The following SH2D2A variants were observed in gnomAD, a reference collection of about 807,000 sequenced individuals.
The protein encoded by SH2D2A is SH2 domain-containing protein 2A.
In SH2D2A, 33 loss-of-function variants were observed where a neutral mutation model predicts 43.6. That is an observed-to-expected ratio of 0.76 (90% CI 0.57 to 1.01). The LOEUF (loss-of-function observed/expected upper bound fraction) is 1.01. Among genes scored for constraint, SH2D2A ranks in the 50% least tolerant of loss-of-function variants. SH2D2A has a pLI of 0.00. For missense variants in SH2D2A, 491 were observed against 503.1 expected, an observed-to-expected ratio of 0.98 and a Z score of 0.23; for synonymous variants, 212 against 206.1, an observed-to-expected ratio of 1.03 and a Z score of -0.25.
At chr1:156,811,349 G>C (rs142639794) in intron 5 of SH2D2A, among the ~76,000 whole-genome samples, 1 of 152,306 alleles carries the variant, frequency 6.6e-6, no homozygotes, top group Non-Finnish European at 1.5e-5. Context: ...TTCGAGCAGA[G>C]CAATCTTACA....
rs1653989229 is a variant in SH2D2A, at chr1:156,816,781, C to T, written c.-73G>A. On this transcript the variant is annotated 5_prime_UTR_variant, in exon 1 of 9. Coordinates refer to ENST00000368199, the MANE Select transcript of SH2D2A (RefSeq NM_003975.4). ...CCGGAAAGGTGTGCACACTCAGCAACTCATCATCTCTCCTCTCACCCTGGC... is the reference window on the plus strand; with the variant it reads ...CCGGAAAGGTGTGCACACTCAGCAATTCATCATCTCTCCTCTCACCCTGGC... 9 of 1,368,444 alleles carry T rather than the reference C, an allele frequency of 6.6e-6. No individual in the cohort carries two copies. In the South Asian group the frequency reaches 1.2e-4, roughly 19 times the overall value. The allele number at this position is 1,368,444 out of a possible 1,614,324, so 84.8% of individuals were successfully genotyped here.
intron 1 of SH2D2A, 28 bp downstream of exon 1, chr1:156,816,647 C>A: frequency 6.3e-7 from 1 of 1,596,566 alleles, no homozygotes; most frequent in Non-Finnish European, 8.5e-7. Flanking sequence ...TGCCCCCTCC[C>A]ACCCATATCC....
Position 156,814,018 on chromosome 1 carries a change from TG to T in SH2D2A, c.399-3del. 6.6e-7 allele frequency: 1 copy of T among 1,504,260 alleles called. No individual in the cohort carries two copies. The highest frequency in any genetic ancestry group is 8.9e-7 in the Non-Finnish European group (1 of 1,125,518). 93.2% of individuals were successfully genotyped at this position (1,504,260 alleles called of 1,614,324 possible). The stretch of plus-strand genomic sequence containing the variant: ...AAGTGGCGGCAGCAAGTCCGGCTCC[TG>T]GAGGGCGCCGTTAGGGATCAGACTA... On this transcript the variant is annotated splice_region_variant and splice_polypyrimidine_tract_variant and intron_variant, in intron 4 of 8. Transcript: ENST00000368199.
intron 5 of SH2D2A, among the ~76,000 whole-genome samples, chr1:156,811,042 T>C (rs1018159954): frequency 2.0e-5 from 3 of 152,170 alleles, no homozygotes; most frequent in African/African-American, 7.2e-5. Flanking sequence ...ACTGCAGATA[T>C]ACTGTGGAAA....
rs765013331 is a variant in SH2D2A at position 156,807,252 on chromosome 1, G to A, written c.1096C>T (p.Leu366Phe). The A allele has an allele frequency of 3.1e-6, 5 of 1,609,830 alleles. No individual in the cohort carries two copies. The South Asian group carries it at 5.5e-5, about 18-fold the overall frequency. The change falls in exon 8 of 9, where the codon CTC becomes TTC. Residue 366 changes from leucine to phenylalanine, a missense_variant. Physicochemically the swap from Leu to Phe is conservative, Grantham distance 22. Transcript: ENST00000368199. This position sits in a 1 kb window ranked among gnomAD's most constrained non-coding sequence, Gnocchi z 5.1. ...ACCTGTCTAGAAAGATTGTGGGGGA[G>A]GGTGTGTCTCCAGGCGGGTGGGGGC... is the stretch of plus-strand genomic sequence containing the variant. Reference protein sequence around the residue: ...HQPPPAWRHTLPHNLSRQVLQ... With the variant: ...HQPPPAWRHTFPHNLSRQVLQ...
At chr1:156,812,406 C>A (rs1378489304) in intron 5 of SH2D2A, among the ~76,000 whole-genome samples, 1 of 152,194 alleles carries the variant, frequency 6.6e-6, no homozygotes, top group Non-Finnish European at 1.5e-5. Context: ...ACCGGATCCA[C>A]CCATGCTAAC....
In SH2D2A at chr1:156,809,318, C is replaced by T. The variant is rs1429076768; in HGVS notation, c.887G>A (p.Ser296Asn). 3 of 1,614,184 alleles carry T rather than the reference C, an allele frequency of 1.9e-6. No homozygotes were observed. Among genetic ancestry groups the T allele is most frequent in the Middle Eastern group, 1.7e-4 (1 of 6,060 alleles). Reference sequence around the variant, plus strand: ...GATGTTGCTGGGGGCTTCCCCAGGGCTGCCCCGGCCCATGGCATAGAAAGC... The same window carrying T: ...GATGTTGCTGGGGGCTTCCCCAGGGTTGCCCCGGCCCATGGCATAGAAAGC... Reference protein sequence around the residue: ...PIAFYAMGRGSPGEAPSNIYV... With the variant: ...PIAFYAMGRGNPGEAPSNIYV... Residue 296 changes from serine (S) to asparagine (N), a missense_variant, in exon 7 of 9, where the codon AGC becomes AAC. By Grantham distance (46) the Ser-to-Asn change is conservative. Coordinates refer to ENST00000368199, the MANE Select transcript of SH2D2A (RefSeq NM_003975.4). The surrounding 1 kb of genome is among the most constrained non-coding windows in gnomAD (Gnocchi z 4.8).
In SH2D2A at chr1:156,809,238, G is replaced by A. The variant is rs758788694; in HGVS notation, c.967C>T (p.Arg323Trp). 34 of 1,613,476 alleles carry A rather than the reference G, an allele frequency of 2.1e-5. No homozygotes were observed. Among genetic ancestry groups the A allele is most frequent in the Middle Eastern group, 3.3e-4 (2 of 6,078 alleles). Residue 323 changes from arginine (R) to tryptophan (W), a missense_variant, in exon 7 of 9, where the codon CGG (arginine) becomes TGG (tryptophan). Arg to Trp is a moderately radical substitution (Grantham distance 101). Coordinates refer to ENST00000368199, the MANE Select transcript of SH2D2A (RefSeq NM_003975.4). The surrounding 1 kb of genome is among the most constrained non-coding windows in gnomAD (Gnocchi z 4.8). ...GGGACAGGCCTGGACCAGCTCTTCC[G>A]TAGGACAGGGTGCCCAAGGGTGGCG... ...LPATLGHPVLRKSWSRPVPGG... is the reference protein window; with the variant it reads ...LPATLGHPVLWKSWSRPVPGG...
At chr1:156,816,603 C>A in intron 1 of SH2D2A, 72 bp downstream of exon 1, 1 of 1,523,342 alleles carries the variant, frequency 6.6e-7, no homozygotes, top group Non-Finnish European at 9.0e-7. Context: ...GGAGCTCAAG[C>A]CCAGGAGGGA....
In SH2D2A at chr1:156,809,955, G is replaced by T; in HGVS notation, c.568-148C>A. On this transcript the variant is annotated intron_variant, in intron 5 of 8. Coordinates refer to ENST00000368199, the MANE Select transcript of SH2D2A (RefSeq NM_003975.4). This position sits in a 1 kb window ranked among gnomAD's most constrained non-coding sequence, Gnocchi z 4.8. ...GGCCTGGGCTGGGTTCCCTGGATGAGGAAGAGGGGGTGGTGACGGCAGGGA... is the reference window on the plus strand; with the variant it reads ...GGCCTGGGCTGGGTTCCCTGGATGATGAAGAGGGGGTGGTGACGGCAGGGA... 1 of 776,018 alleles carries T rather than the reference G, an allele frequency of 1.3e-6. No homozygotes were observed. Among genetic ancestry groups the T allele is most frequent in the East Asian group, 2.6e-5 (1 of 38,252 alleles). 48.1% of individuals were successfully genotyped at this position (776,018 alleles called of 1,614,324 possible).
intron 2 of SH2D2A, 163 bp downstream of exon 2, chr1:156,815,843 T>A (rs1199057824): frequency 1.2e-6 from 2 of 1,613,980 alleles, no homozygotes; most frequent in South Asian, 2.2e-5. Flanking sequence ...AAGGAGGTAC[T>A]CCTCATTTTC....
chr1:156,814,970 G>C (rs940759459), intron 3 of SH2D2A, 67 bp downstream of exon 3: 19 of 1,343,374 alleles, frequency 1.4e-5, no homozygotes, highest in Non-Finnish European at 1.7e-5. Context: ...TTCCTGGCAG[G>C]TGGCAGGACC....
chr1:156,813,941 G>A lies in SH2D2A; in HGVS notation c.474C>T (p.Ser158=). ...GCAGGTCCTGCAGCCGCGCGTGGGCGCTGTCCTCGCCCAGCACCACGTGGC... is the reference window on the plus strand; with the variant it reads ...GCAGGTCCTGCAGCCGCGCGTGGGCACTGTCCTCGCCCAGCACCACGTGGC... ...DGRHVVLGED[S]AHARLQDLLL... The change falls in exon 5 of 9, where the codon AGC becomes AGT. Residue 158 remains serine (S), a synonymous_variant. Coordinates refer to ENST00000368199, the MANE Select transcript of SH2D2A (RefSeq NM_003975.4). 6.5e-7 allele frequency: 1 copy of A among 1,533,716 alleles called. No individual in the cohort carries two copies.
Position 156,815,116 on chromosome 1 carries a change from A to G in SH2D2A, c.229T>C (p.Trp77Arg). ...SLFLQAETRA[W>R]FQKTQAHWLL... The stretch of plus-strand genomic sequence containing the variant: ...CAGTGGGCCTGGGTCTTCTGGAACC[A>G]AGCCCGGGTCTCGGCCTGCAGGAAC... The change falls in exon 3 of 9, where the codon TGG (tryptophan) becomes CGG (arginine). Residue 77 changes from tryptophan (W) to arginine (R), a missense_variant. Transcript: ENST00000368199. 1 of 1,610,750 alleles carries G rather than the reference A, an allele frequency of 6.2e-7. No homozygotes were observed.
At position 156,816,063 on chromosome 1, in the gene SH2D2A, G is replaced by A; in HGVS notation, c.66C>T (p.Ser22=). 6.2e-7 allele frequency: 1 copy of A among 1,614,074 alleles called. No homozygotes were observed. Among genetic ancestry groups the A allele is most frequent in the Non-Finnish European group, 8.5e-7 (1 of 1,179,950 alleles). The part of the protein sequence containing the change: ...GSHEAPIPTF[S]TFQITDMTRR... ...GGGTCATGTCTGTGATCTGGAAGGT[G>A]CTGAAGGTTGGGATGGGGGCTTCGT... The change falls in exon 2 of 9, where the codon AGC becomes AGT. Residue 22 remains serine (S), a synonymous_variant. Transcript: ENST00000368199.
Position 156,815,225 on chromosome 1 carries a change from G to T in SH2D2A, c.124-4C>A. The T allele has an allele frequency of 6.7e-7, 1 of 1,496,814 alleles. No individual in the cohort carries two copies. The highest frequency in any genetic ancestry group is 8.9e-7 in the Non-Finnish European group (1 of 1,118,580). 92.7% of individuals were successfully genotyped at this position (1,496,814 alleles called of 1,614,324 possible). A position where few individuals can be genotyped will look rare whatever the true frequency, so the allele number is the denominator to read the frequency against. On this transcript the variant is annotated splice_region_variant and splice_polypyrimidine_tract_variant and intron_variant, in intron 2 of 8. Coordinates refer to ENST00000368199, the MANE Select transcript of SH2D2A (RefSeq NM_003975.4). Reference sequence around the variant, plus strand: ...CCTCCGGGGCCTGGGGAGATGCCTGGATCAGGGAAGAGTTCAAGGAGGGGG... The same window carrying T: ...CCTCCGGGGCCTGGGGAGATGCCTGTATCAGGGAAGAGTTCAAGGAGGGGG...
Position 156,807,639 on chromosome 1 carries a change from A to G in SH2D2A, c.1003-294T>C, listed in dbSNP as rs1653063511. On this transcript the variant is annotated intron_variant, in intron 7 of 8. Coordinates refer to ENST00000368199, the MANE Select transcript of SH2D2A (RefSeq NM_003975.4). This position sits in a 1 kb window ranked among gnomAD's most constrained non-coding sequence, Gnocchi z 5.1. ...TGGGAGGAGATGGATGTCTCAGGTGATCAGTGGCATGGCAGGTGTGTGTAA... is the reference window on the plus strand; with the variant it reads ...TGGGAGGAGATGGATGTCTCAGGTGGTCAGTGGCATGGCAGGTGTGTGTAA... Among the ~76,000 whole-genome samples the G allele has an allele frequency of 6.6e-6, 1 of 152,168 alleles. No individual in the cohort carries two copies. The highest frequency in any genetic ancestry group is 1.5e-5 in the Non-Finnish European group (1 of 68,030).
rs1361769957 is a variant in SH2D2A, at chr1:156,814,205, C to T, written c.398G>A (p.Arg133Lys). The T allele has an allele frequency of 6.2e-7, 1 of 1,613,592 alleles. No individual in the cohort carries two copies. The change falls in exon 4 of 9, where the codon AGG becomes AAG. Residue 133 changes from arginine to lysine, a missense_variant and splice_region_variant. Arg to Lys is a conservative substitution (Grantham distance 26). Coordinates refer to ENST00000368199, the MANE Select transcript of SH2D2A (RefSeq NM_003975.4). ...CCCGGCGCGGGGCCTCGCCCCTCAC[C>T]TGTAAGTCAGCACGAAGGTCACCGC... ...ESAVTFVLTY[R>K]SRTCCRHFLL...
Position 156,813,921 on chromosome 1 carries a change from T to C in SH2D2A, c.494A>G (p.Asp165Gly), listed in dbSNP as rs369265071. The change falls in exon 5 of 9, where the codon GAC becomes GGC. Residue 165 changes from aspartate (D) to glycine (G), a missense_variant. Asp to Gly is a moderately conservative substitution (Grantham distance 94). Transcript: ENST00000368199. Reference sequence around the variant, plus strand: ...GTGCGCGGTGTAGTGCAGCAGCAGGTCCTGCAGCCGCGCGTGGGCGCTGTC... The same window carrying C: ...GTGCGCGGTGTAGTGCAGCAGCAGGCCCTGCAGCCGCGCGTGGGCGCTGTC... The part of the protein sequence containing the change: ...GEDSAHARLQ[D>G]LLLHYTAHPL... The C allele has an allele frequency of 5.8e-6, 9 of 1,540,806 alleles. No individual in the cohort carries two copies. The highest frequency in any genetic ancestry group is 6.1e-6 in the Non-Finnish European group (7 of 1,148,136).
Sources: gnomAD v4.1 joint callset for allele counts (sites outside exome capture counted in the v4.1 genomes callset) on GRCh38, gnomAD v4.1.1 for gene constraint, Gnocchi (gnomAD v3.1) non-coding constraint, MANE v1.5 for transcripts, NCBI Gene and HGNC (gene_info 2026-07-23, HGNC 2026-07-21) for gene names.